CNTNAP5: variants seen among roughly 807,000 people sequenced by gnomAD.
CNTNAP5 encodes the protein contactin-associated protein-like 5.
In CNTNAP5, 72 loss-of-function variants were observed where a neutral mutation model predicts 150.2. That is an observed-to-expected ratio of 0.48 (90% CI 0.40 to 0.58). The LOEUF (loss-of-function observed/expected upper bound fraction) is 0.58, where lower values mean the gene tolerates loss of function less well. Ranked by LOEUF, CNTNAP5 falls within the 20% of genes least tolerant of loss-of-function variation. The pLI, the probability that CNTNAP5 is intolerant of heterozygous loss-of-function variation, is 0.00. For missense variants in CNTNAP5, 1,636 were observed against 1,626.2 expected (o/e 1.01, Z -0.10); for synonymous variants, 672 against 619.8 (o/e 1.08, Z -1.25).
At chr2:124,789,035 T>C (rs758410786) in intron 17 of CNTNAP5, among the ~76,000 whole-genome samples, 88 of 152,324 alleles carry the variant, frequency 5.8e-4, no homozygotes, top group Non-Finnish European at 1.1e-3. Flanking sequence ...ATGGTCAATA[T>C]GGCTAATCAG....
At position 124,087,653 on chromosome 2, in the gene CNTNAP5, C is replaced by A. The variant is rs191228950; in HGVS notation, c.82+61921C>A. Among the ~76,000 whole-genome samples the A allele has an allele frequency of 2.3e-3, 353 of 151,798 alleles. 11 individuals carry two copies. Among genetic ancestry groups the A allele is most frequent in the African/African-American group, 8.1e-3 (335 of 41,158 alleles). ...AGGAGAATTGCTTGAATCTGGGAGGCGGAGGTTACAGTGAGCTGAGATGGT... is the reference window on the plus strand; with the variant it reads ...AGGAGAATTGCTTGAATCTGGGAGGAGGAGGTTACAGTGAGCTGAGATGGT... On this transcript the variant is annotated intron_variant, in intron 1 of 23. Transcript: ENST00000682447.
intron 11 of CNTNAP5, among the ~76,000 whole-genome samples, chr2:124,576,138 ATATATC>A (rs60325451): frequency 0.28 from 42,528 of 150,926 alleles, 6,351 homozygotes; most frequent in South Asian, 0.37. Context: ...GGATGGCTGT[ATATATC>A]TATATCTATA....
intron 13 of CNTNAP5, among the ~76,000 whole-genome samples, chr2:124,723,377 C>CA (rs1442134524): frequency 6.6e-6 from 1 of 152,142 alleles, no homozygotes; most frequent in Non-Finnish European, 1.5e-5. Flanking sequence ...TCTGAGACCT[C>CA]AAAAATCGCA....
chr2:124,261,939 T>C (rs929605265), intron 3 of CNTNAP5, among the ~76,000 whole-genome samples: 2 of 152,168 alleles, frequency 1.3e-5, no homozygotes, highest in Admixed American at 1.3e-4. Flanking sequence ...TGTAGCTACT[T>C]ATTAGTTATT....
chr2:124,225,869 C>T (rs185826976), intron 2 of CNTNAP5, among the ~76,000 whole-genome samples: 2 of 152,248 alleles, frequency 1.3e-5, no homozygotes, highest in East Asian at 3.9e-4. Flanking sequence ...TGAGATAATG[C>T]AGTATTTGTC....
At chr2:124,422,688 C>A (rs1276935636) in intron 4 of CNTNAP5, among the ~76,000 whole-genome samples, 1 of 152,210 alleles carries the variant, frequency 6.6e-6, no homozygotes, top group East Asian at 1.9e-4. Context: ...GATTCCTGAG[C>A]ATATGCAGCT....
intron 20 of CNTNAP5, among the ~76,000 whole-genome samples, chr2:124,868,572 C>A (rs1241903989): frequency 1.3e-5 from 2 of 152,180 alleles, no homozygotes; most frequent in Admixed American, 1.3e-4. Context: ...CCTACACCCC[C>A]CCTTATTCTT....
intron 1 of CNTNAP5, among the ~76,000 whole-genome samples, chr2:124,079,415 C>T (rs1682508385): frequency 1.3e-5 from 2 of 152,156 alleles, no homozygotes; most frequent in African/African-American, 2.4e-5. Context: ...CAGTGGTGTG[C>T]CCTGCTGTAT....
At chr2:124,793,911 A>T (rs891426031) in intron 18 of CNTNAP5, among the ~76,000 whole-genome samples, 1 of 152,176 alleles carries the variant, frequency 6.6e-6, no homozygotes, top group Admixed American at 6.5e-5. Flanking sequence ...TTATTTGAAA[A>T]TTTATTTAGA....
chr2:124,746,586 G>A (rs1166978927), intron 13 of CNTNAP5, among the ~76,000 whole-genome samples: 1 of 152,066 alleles, frequency 6.6e-6, no homozygotes, highest in Non-Finnish European at 1.5e-5. Flanking sequence ...CAACTGCAGG[G>A]CTACTATTAT....
In CNTNAP5 at chr2:124,715,423, C is replaced by A. The variant is rs142033695; in HGVS notation, c.2078-31806C>A. Among the ~76,000 whole-genome samples the A allele has an allele frequency of 2.4e-4, 36 of 152,126 alleles. 1 individual carries two copies. The East Asian group carries it at 6.6e-3, about 28-fold the overall frequency. On this transcript the variant is annotated intron_variant, in intron 13 of 23. Coordinates refer to ENST00000682447, the MANE Select transcript of CNTNAP5 (RefSeq NM_001367498.1). ...TCCTCACTCATTGCTCTCTGTCATCCCCCCAAAGCTAAATTTATTATGATC... is the reference window on the plus strand; with the variant it reads ...TCCTCACTCATTGCTCTCTGTCATCACCCCAAAGCTAAATTTATTATGATC...
intron 6 of CNTNAP5, among the ~76,000 whole-genome samples, chr2:124,465,927 A>G (rs537396888): frequency 2.0e-5 from 3 of 152,142 alleles, no homozygotes; most frequent in Non-Finnish European, 4.4e-5. Flanking sequence ...GCAATTTTAG[A>G]TATGTCAGTC....
At chr2:124,199,062 TA>T (rs1685656796) in intron 1 of CNTNAP5, among the ~76,000 whole-genome samples, 1 of 152,172 alleles carries the variant, frequency 6.6e-6, no homozygotes, top group Non-Finnish European at 1.5e-5. Context: ...TATAATTCCT[TA>T]TATGTACCAA....
chr2:124,478,342 G>T (rs539777357), intron 7 of CNTNAP5, among the ~76,000 whole-genome samples: 7 of 152,200 alleles, frequency 4.6e-5, no homozygotes, highest in South Asian at 2.1e-4. Flanking sequence ...GAGGCATAAA[G>T]AATCCATTTA....
chr2:124,230,904 C>T lies in CNTNAP5; in HGVS notation c.187+9095C>T, dbSNP rs545771133. Among the ~76,000 whole-genome samples the T allele has an allele frequency of 1.7e-4, 26 of 152,242 alleles. No individual in the cohort carries two copies. In the East Asian group the frequency reaches 5.0e-3, roughly 29 times the overall value. ...GATTACCCCCTCTCCCTGTGAACCACCCTTCTCTCTTTTCAGCACCTTTCC... is the reference window on the plus strand; with the variant it reads ...GATTACCCCCTCTCCCTGTGAACCATCCTTCTCTCTTTTCAGCACCTTTCC... On this transcript the variant is annotated intron_variant, in intron 2 of 23. Coordinates refer to ENST00000682447, the MANE Select transcript of CNTNAP5 (RefSeq NM_001367498.1).
chr2:124,426,483 C>G (rs1489306579), intron 4 of CNTNAP5, among the ~76,000 whole-genome samples: 1 of 152,164 alleles, frequency 6.6e-6, no homozygotes, highest in East Asian at 1.9e-4. Context: ...TATAATGTAT[C>G]ATGACATAAG....
At chr2:124,180,522 A>T (rs749844269) in intron 1 of CNTNAP5, among the ~76,000 whole-genome samples, 1 of 152,208 alleles carries the variant, frequency 6.6e-6, no homozygotes, top group Non-Finnish European at 1.5e-5. Flanking sequence ...GAAATGAAGA[A>T]AATAAAGATT....
At chr2:124,814,111 C>T (rs1682296445) in intron 19 of CNTNAP5, among the ~76,000 whole-genome samples, 1 of 151,620 alleles carries the variant, frequency 6.6e-6, no homozygotes, top group South Asian at 2.1e-4. Context: ...TCTGAAGTTT[C>T]CTTTTTTTTT....
intron 11 of CNTNAP5, among the ~76,000 whole-genome samples, chr2:124,602,730 T>G (rs1697013317): frequency 6.6e-6 from 1 of 152,160 alleles, no homozygotes; most frequent in African/African-American, 2.4e-5. Context: ...CAGCCTCAAG[T>G]GATTGTGCCA....
Sources: gnomAD v4.1 joint callset for allele counts (sites outside exome capture counted in the v4.1 genomes callset) on GRCh38, gnomAD v4.1.1 for gene constraint, MANE v1.5 for transcripts, NCBI Gene and HGNC (gene_info 2026-07-23, HGNC 2026-07-21) for gene names.